The following PCDH15 variants were observed in gnomAD, a reference collection of about 807,000 sequenced individuals.
The protein encoded by PCDH15 is protocadherin-15.
A neutral mutation model predicts 178.5 loss-of-function variants in PCDH15; 129 were observed. The observed-to-expected ratio is 0.72, with a 90% CI of 0.63 to 0.84. The LOEUF is 0.84. Ranked by LOEUF, PCDH15 falls within the 40% of genes least tolerant of loss-of-function variation. PCDH15 has a pLI of 0.00. For synonymous variants in PCDH15, 800 were observed against 732.0 expected, an observed-to-expected ratio of 1.09 and a Z score of -1.50; for missense variants, 2,230 against 2,099.9, an observed-to-expected ratio of 1.06 and a Z score of -1.21.
intron 9 of PCDH15, among the ~76,000 whole-genome samples, chr10:54,219,105 A>C (rs866848674): frequency 0.058 from 6,022 of 103,282 alleles, 194 homozygotes; most frequent in African/African-American, 0.13. Context: ...AAAAAAAAAA[A>C]AACAAAAAAA....
chr10:54,430,245 C>T lies in PCDH15; in HGVS notation c.158-51303G>A, dbSNP rs142895923. Among the ~76,000 whole-genome samples the T allele has an allele frequency of 7.1e-3, 1,073 of 151,460 alleles. 8 individuals are homozygous for T. Among genetic ancestry groups the T allele is most frequent in the African/African-American group, 0.023 (956 of 41,262 alleles). ...TAATTTTTGTATTTTTAGTAGAGAC[C>T]GGGTTTCACCATGTTGGTCAGGTGG... On this transcript the variant is annotated intron_variant, in intron 3 of 37. Transcript: ENST00000644397.
intron 2 of PCDH15, among the ~76,000 whole-genome samples, chr10:55,326,103 G>A (rs554198933): frequency 6.6e-6 from 1 of 152,268 alleles, no homozygotes; most frequent in East Asian, 1.9e-4. Context: ...ATGCTGGTGA[G>A]GTTGCAGAGA....
At chr10:54,183,108 A>C (rs1476345635) in intron 13 of PCDH15, among the ~76,000 whole-genome samples, 2 of 151,958 alleles carry the variant, frequency 1.3e-5, no homozygotes, top group African/African-American at 4.8e-5. Context: ...CAGCCTCCTG[A>C]GTAGCTGGGA....
At chr10:54,981,764 A>AC (rs1348387703) in intron 2 of PCDH15, among the ~76,000 whole-genome samples, 4 of 151,152 alleles carry the variant, frequency 2.6e-5, no homozygotes, top group Non-Finnish European at 5.9e-5. Context: ...TTTTCCTGGA[A>AC]CCCCCCACCT....
chr10:54,864,933 G>A (rs1953910105), intron 3 of PCDH15: 1 of 152,128 alleles, frequency 6.6e-6, no homozygotes, highest in Non-Finnish European at 1.5e-5. Context: ...TATCCAAAGA[G>A]AGGTAATTAA....
At chr10:54,292,685 A>C (rs556614763) in intron 8 of PCDH15, among the ~76,000 whole-genome samples, 1 of 152,334 alleles carries the variant, frequency 6.6e-6, no homozygotes, top group East Asian at 1.9e-4. Context: ...TAACAGACAG[A>C]GAGCCAAATC....
chr10:55,600,906 G>T (rs1843062483), intron 2 of PCDH15, among the ~76,000 whole-genome samples: 1 of 151,272 alleles, frequency 6.6e-6, no homozygotes, highest in Non-Finnish European at 1.5e-5. Context: ...TTTATTTTTG[G>T]CTCCATCCTA....
chr10:55,328,839 A>G (rs1844106419), intron 2 of PCDH15, among the ~76,000 whole-genome samples: 1 of 148,430 alleles, frequency 6.7e-6, no homozygotes, highest in South Asian at 2.1e-4. Context: ...ACTTTATATG[A>G]AGTTCTTGAG....
At chr10:53,830,574 C>T (rs1017063858) in intron 30 of PCDH15, among the ~76,000 whole-genome samples, 2 of 152,116 alleles carry the variant, frequency 1.3e-5, no homozygotes, top group African/African-American at 4.8e-5. Context: ...AAAGCTTCCC[C>T]AGACCTAGTG....
intron 2 of PCDH15, among the ~76,000 whole-genome samples, chr10:55,026,945 T>C (rs562946362): frequency 1.3e-5 from 2 of 152,000 alleles, no homozygotes; most frequent in African/African-American, 4.8e-5. Context: ...ATTAAAGCCA[T>C]TATAGTCCAA....
intron 3 of PCDH15, among the ~76,000 whole-genome samples, chr10:54,838,712 C>A (rs1474970959): frequency 6.6e-6 from 1 of 152,014 alleles, no homozygotes; most frequent in African/African-American, 2.4e-5. Flanking sequence ...ATCTTCCCAC[C>A]CTCTAGGAGG....
intron 1 of PCDH15, among the ~76,000 whole-genome samples, chr10:55,205,993 G>A (rs979074433): frequency 6.6e-6 from 1 of 151,786 alleles, no homozygotes; most frequent in Non-Finnish European, 1.5e-5. Context: ...TCACTATCAC[G>A]AGAACAGCAT....
rs1031642911 is a variant in PCDH15, at chr10:54,462,742, G to A, written c.157+65070C>T. Among the ~76,000 whole-genome samples, 9 of 132,558 alleles carry A rather than the reference G, an allele frequency of 6.8e-5. No homozygotes were observed. The South Asian group carries it at 1.0e-3, about 15-fold the overall frequency. The allele number at this position is 132,558 out of a possible 152,430, so 87.0% of individuals were successfully genotyped here. ...GAGACAGGGTTTTGCTATGTGGCCC[G>A]GCTGGTCTCAAGTTCCTGACTTTGT... On this transcript the variant is annotated intron_variant, in intron 3 of 37. Transcript: ENST00000644397.
intron 1 of PCDH15, among the ~76,000 whole-genome samples, chr10:55,267,377 A>T (rs1477958625): frequency 6.6e-6 from 1 of 152,204 alleles, no homozygotes; most frequent in Non-Finnish European, 1.5e-5. Flanking sequence ...TAATTGTTTC[A>T]TGTAATTATT....
intron 2 of PCDH15, among the ~76,000 whole-genome samples, chr10:54,899,559 C>T (rs572258681): frequency 2.8e-5 from 4 of 143,580 alleles, no homozygotes; most frequent in African/African-American, 5.1e-5. Context: ...TGCAAAGGTG[C>T]GATCTTGGCT....
intron 3 of PCDH15, among the ~76,000 whole-genome samples, chr10:54,489,444 G>T (rs1459705546): frequency 3.9e-5 from 6 of 152,064 alleles, no homozygotes; most frequent in African/African-American, 7.2e-5. Flanking sequence ...AATAATTATA[G>T]TTGTTGGATA....
intron 2 of PCDH15, among the ~76,000 whole-genome samples, chr10:54,977,690 A>G (rs1474798771): frequency 3.3e-5 from 5 of 152,148 alleles, no homozygotes; most frequent in African/African-American, 1.2e-4. Context: ...TTTATTTTCC[A>G]ATAAACTCGC....
At chr10:54,390,418 G>A (rs1950415938) in intron 3 of PCDH15, among the ~76,000 whole-genome samples, 1 of 152,044 alleles carries the variant, frequency 6.6e-6, no homozygotes, top group South Asian at 2.1e-4. Context: ...TCAGCCTCCT[G>A]AGGAGCTGGG....
At chr10:54,764,583 G>A (rs1476841959) in intron 1 of PCDH15, among the ~76,000 whole-genome samples, 1 of 152,058 alleles carries the variant, frequency 6.6e-6, no homozygotes, top group African/African-American at 2.4e-5. Flanking sequence ...TTGACTATTA[G>A]AGAACTATTA....
Sources: gnomAD v4.1 joint callset for allele counts (sites outside exome capture counted in the v4.1 genomes callset) on GRCh38, gnomAD v4.1.1 for gene constraint, MANE v1.5 for transcripts, NCBI Gene and HGNC (gene_info 2026-07-23, HGNC 2026-07-21) for gene names.